ANKS1B: variants seen among roughly 807,000 people sequenced by gnomAD.
ANKS1B encodes the protein ankyrin repeat and sterile alpha motif domain-containing protein 1B.
Under a neutral mutation model 148.3 loss-of-function variants are expected in ANKS1B, and 36 were observed. The ratio of observed to expected loss-of-function variants is 0.24; its 90% CI spans 0.19 to 0.32. The LOEUF (loss-of-function observed/expected upper bound fraction) is 0.32, where lower values mean the gene tolerates loss of function less well. Among genes scored for constraint, ANKS1B ranks in the 10% least tolerant of loss-of-function variants. The probability of loss-of-function intolerance (pLI) is 1.00; values close to 1 mark genes in which losing one functional copy is unlikely to be tolerated. For missense variants in ANKS1B, 1,157 were observed against 1,542.6 expected (o/e 0.75, Z 4.19); for synonymous variants, 542 against 560.8 (o/e 0.97, Z 0.47).
intron 9 of ANKS1B, among the ~76,000 whole-genome samples, chr12:99,585,807 T>A (rs2097630832): frequency 1.3e-5 from 2 of 152,288 alleles, no homozygotes; most frequent in African/African-American, 4.8e-5. Flanking sequence ...CCTTGGCTCC[T>A]TTTAGCCATG....
At chr12:99,318,609 T>C (rs1183847564) in intron 12 of ANKS1B, among the ~76,000 whole-genome samples, 1 of 152,176 alleles carries the variant, frequency 6.6e-6, no homozygotes, top group Admixed American at 6.5e-5. Context: ...TGTTGATCTT[T>C]TCAAAAAACC....
chr12:99,187,231 C>T (rs776052732), intron 14 of ANKS1B, among the ~76,000 whole-genome samples: 5 of 151,878 alleles, frequency 3.3e-5, no homozygotes, highest in East Asian at 2.0e-4. Context: ...CTGGAAGTGA[C>T]GGGGAGAGTG....
chr12:98,946,939 CAAAA>C lies in ANKS1B; in HGVS notation c.2778+106214_2778+106217del, dbSNP rs57197334. Among the ~76,000 whole-genome samples, 61 of 41,584 alleles carry C rather than the reference CAAAA, an allele frequency of 1.5e-3. 1 individual carries two copies. Among genetic ancestry groups the C allele is most frequent in the African/African-American group, 5.4e-3 (59 of 10,952 alleles). The allele number at this position is 41,584 out of a possible 152,430, so 27.3% of individuals were successfully genotyped here. On this transcript the variant is annotated intron_variant, in intron 17 of 26. Transcript: ENST00000683438. ...TGGGTGACAAAGCAAGATCTTTTCT[CAAAA>C]AAAAAAAAAAAAAAAAAAAAAAAAG...
Position 98,745,181 on chromosome 12 carries a change from A to G in ANKS1B, c.*558T>C. The G allele has an allele frequency of 3.0e-6, 3 of 985,822 alleles. No homozygotes were observed. Among genetic ancestry groups the G allele is most frequent in the Non-Finnish European group, 3.6e-6 (3 of 829,934 alleles). 61.1% of individuals were successfully genotyped at this position (985,822 alleles called of 1,614,324 possible). On this transcript the variant is annotated 3_prime_UTR_variant, in exon 27 of 27. Coordinates refer to ENST00000683438, the MANE Select transcript of ANKS1B (RefSeq NM_001352186.2). ...GATTACATATAAAATCCACAAATAT[A>G]GAAATGGGGAAACAGAATCTCCTGG...
In ANKS1B at chr12:99,504,540, C is replaced by CTT. The variant is rs1567228008; in HGVS notation, c.1373_1374insAA (p.Met458IlefsTer13). On this transcript the variant is annotated frameshift_variant, in exon 10 of 27. Transcript: ENST00000683438. LOFTEE classifies it high-confidence loss of function. ...AAGGTTTCTTTGTAACAGCTGTGTC[C>CTT]ATGAGATCACACAGAAAGTTCTCAT... 6.2e-7 allele frequency: 1 copy of CTT among 1,612,858 alleles called. No homozygotes were observed. The highest frequency in any genetic ancestry group is 1.7e-5 in the Admixed American group (1 of 59,778).
chr12:99,493,345 A>G (rs1475202381), intron 10 of ANKS1B, among the ~76,000 whole-genome samples: 1 of 152,226 alleles, frequency 6.6e-6, no homozygotes, highest in Non-Finnish European at 1.5e-5. Flanking sequence ...TCACATTTCT[A>G]CAAAGAAGAT....
At chr12:99,546,980 G>T (rs540809268) in intron 9 of ANKS1B, among the ~76,000 whole-genome samples, 91 of 152,180 alleles carry the variant, frequency 6.0e-4, no homozygotes, top group African/African-American at 2.1e-3. Flanking sequence ...TAAACAAGAG[G>T]ATGAGTGTCT....
At chr12:99,172,767 A>T (rs1218559962) in intron 14 of ANKS1B, among the ~76,000 whole-genome samples, 2 of 152,298 alleles carry the variant, frequency 1.3e-5, no homozygotes, top group African/African-American at 4.8e-5. Context: ...CAATTTTTTT[A>T]AAAAAGATGA....
In ANKS1B at chr12:99,257,432, T is replaced by C. The variant is rs80319385; in HGVS notation, c.1757-10568A>G. Among the ~76,000 whole-genome samples, 732 of 152,286 alleles carry C rather than the reference T, an allele frequency of 4.8e-3. 2 individuals carry two copies. Among genetic ancestry groups the C allele is most frequent in the Non-Finnish European group, 6.3e-3 (428 of 68,020 alleles). ...TCTTCTTCTGTGCATAATCTGCTATTTAGCCTATTCATTTAGGATTTTAAA... is the reference window on the plus strand; with the variant it reads ...TCTTCTTCTGTGCATAATCTGCTATCTAGCCTATTCATTTAGGATTTTAAA... On this transcript the variant is annotated intron_variant, in intron 12 of 26. Transcript: ENST00000683438.
At chr12:99,952,431 T>C (rs908842013) in intron 1 of ANKS1B, among the ~76,000 whole-genome samples, 11 of 152,154 alleles carry the variant, frequency 7.2e-5, no homozygotes, top group Non-Finnish European at 1.3e-4. Flanking sequence ...ATTTCCAAAC[T>C]ACTTTCTTGT....
intron 12 of ANKS1B, among the ~76,000 whole-genome samples, chr12:99,326,193 G>A (rs1371107254): frequency 1.3e-5 from 2 of 152,042 alleles, no homozygotes; most frequent in African/African-American, 4.8e-5. Flanking sequence ...CTGGGGTGGG[G>A]ACACAAAACC....
chr12:99,479,986 A>C lies in ANKS1B; in HGVS notation c.1438+24490T>G, dbSNP rs1270822937. 3.9e-5 allele frequency among the ~76,000 whole-genome samples: 6 copies of C among 152,004 alleles called. No individual in the cohort carries two copies. In the East Asian group the frequency reaches 9.7e-4, roughly 24 times the overall value. ...CCATTATGTATACATATATCAAAACATTACACTGTATCCCATAAATATATA... is the reference window on the plus strand; with the variant it reads ...CCATTATGTATACATATATCAAAACCTTACACTGTATCCCATAAATATATA... On this transcript the variant is annotated intron_variant, in intron 10 of 26. Transcript: ENST00000683438.
At chr12:99,545,101 C>T (rs1352268358) in intron 9 of ANKS1B, among the ~76,000 whole-genome samples, 1 of 152,094 alleles carries the variant, frequency 6.6e-6, no homozygotes, top group East Asian at 1.9e-4. Flanking sequence ...ATTAATTGCA[C>T]AGGACATTTT....
chr12:99,524,982 A>T (rs571271408), intron 9 of ANKS1B, among the ~76,000 whole-genome samples: 1 of 152,318 alleles, frequency 6.6e-6, no homozygotes, highest in Admixed American at 6.5e-5. Context: ...AGCTCATAGA[A>T]GCTGGAAAAG....
intron 15 of ANKS1B, among the ~76,000 whole-genome samples, chr12:99,096,660 CT>C (rs2056249756): frequency 6.6e-6 from 1 of 152,142 alleles, no homozygotes; most frequent in African/African-American, 2.4e-5. Context: ...TATCCTTGTC[CT>C]TTGTATAGCA....
chr12:98,739,353 G>C (rs1399262466), downstream of ANKS1B, among the ~76,000 whole-genome samples: 1 of 152,180 alleles, frequency 6.6e-6, no homozygotes, highest in African/African-American at 2.4e-5. Context: ...ACTTGTATCT[G>C]TGCCTGTAGA....
At chr12:99,744,489 T>C (rs924001698) in intron 8 of ANKS1B, among the ~76,000 whole-genome samples, 1 of 152,200 alleles carries the variant, frequency 6.6e-6, no homozygotes. Flanking sequence ...TTCCTCTGCA[T>C]TCAGATTAAC....
chr12:99,463,115 A>G (rs1567149737), intron 10 of ANKS1B, among the ~76,000 whole-genome samples: 1 of 152,208 alleles, frequency 6.6e-6, no homozygotes. Flanking sequence ...AAAATACCCT[A>G]ATAGAAAACT....
intron 12 of ANKS1B, among the ~76,000 whole-genome samples, chr12:99,306,684 C>T (rs754389173): frequency 6.6e-6 from 1 of 152,106 alleles, no homozygotes; most frequent in Non-Finnish European, 1.5e-5. Context: ...GTGATCTGGT[C>T]ACTGTCCTTT....
Sources: allele counts gnomAD v4.1 joint callset (sites outside exome capture counted in the v4.1 genomes callset), GRCh38; gene constraint gnomAD v4.1.1; transcripts MANE v1.5; gene names NCBI Gene and HGNC (gene_info 2026-07-23, HGNC 2026-07-21).